Variants in SSH3 observed in about 807,000 individuals in gnomAD.
SSH3 encodes protein phosphatase Slingshot homolog 3.
In SSH3, 67 loss-of-function variants were observed where a neutral mutation model predicts 75.0. That is an observed-to-expected ratio of 0.89 (90% CI 0.73 to 1.10). The LOEUF (loss-of-function observed/expected upper bound fraction) is 1.10. Among genes scored for constraint, SSH3 ranks in the 50% least tolerant of loss-of-function variants. SSH3 has a pLI of 0.00. For missense variants in SSH3, 824 were observed against 872.7 expected (o/e 0.94, Z 0.70); for synonymous variants, 318 against 349.2 (o/e 0.91, Z 1.00).
chr11:67,308,251 G>A lies in SSH3; in HGVS notation c.963G>A (p.Leu321=), dbSNP rs1379873522. The A allele has an allele frequency of 1.9e-6, 3 of 1,614,136 alleles. No individual in the cohort carries two copies. Among genetic ancestry groups the A allele is most frequent in the African/African-American group, 1.3e-5 (1 of 75,074 alleles). The change falls in exon 9 of 14, where the codon CTG becomes CTA. Residue 321 remains leucine (L), a synonymous_variant. Coordinates refer to ENST00000308127, the MANE Select transcript of SSH3 (RefSeq NM_017857.4). This position sits in a 1 kb window ranked among gnomAD's most constrained non-coding sequence, Gnocchi z 4.9. The part of the protein sequence containing the change: ...YRDFIDNQML[L]LVAQRDRASR... ...ACTTCATCGACAACCAGATGCTGCT[G>A]CTGGTGGCACAGCGGGACCGAGCCT...
Position 67,308,210 on chromosome 11 carries a change from CT to C in SSH3, c.923del (p.Leu308ProfsTer52). 1 of 1,614,052 alleles carries C rather than the reference CT, an allele frequency of 6.2e-7. No homozygotes were observed. Among genetic ancestry groups the C allele is most frequent in the Non-Finnish European group, 8.5e-7 (1 of 1,180,028 alleles). On this transcript the variant is annotated frameshift_variant, in exon 9 of 14. Coordinates refer to ENST00000308127, the MANE Select transcript of SSH3 (RefSeq NM_017857.4). The surrounding 1 kb of genome is among the most constrained non-coding windows in gnomAD (Gnocchi z 4.9). ...QALELRLGLPLQQYRDFIDNQ... is the reference protein window; with the variant it reads ...QALELRLGLPXQQYRDFIDNQ... Reference sequence around the variant, plus strand: ...TCTGGAGCTGCGCCTGGGGCTCCCCCTCCAGCAGTACCGTGACTTCATCGAC... The same window carrying C: ...TCTGGAGCTGCGCCTGGGGCTCCCCCCCAGCAGTACCGTGACTTCATCGAC...
At chr11:67,303,903 A>G (rs1286833045) in intron 1 of SSH3, 8 of 765,692 alleles carry the variant, frequency 1.0e-5, no homozygotes, top group Middle Eastern at 3.3e-4. Flanking sequence ...GGAGGCCCCG[A>G]TCTGAGCGCG....
In SSH3 at chr11:67,308,064, C is replaced by A. The variant is rs1861298807; in HGVS notation, c.886-110C>A. The A allele has an allele frequency of 1.3e-6, 2 of 1,589,864 alleles. No homozygotes were observed. The highest frequency in any genetic ancestry group is 1.7e-6 in the Non-Finnish European group (2 of 1,168,468). ...ATTCCTGGATGCCTTGGCCTTGGCC[C>A]TAATCCATCTAGATGGGATAGGGTG... is the stretch of plus-strand genomic sequence containing the variant. On this transcript the variant is annotated intron_variant, in intron 8 of 13. Transcript: ENST00000308127. The surrounding 1 kb of genome is among the most constrained non-coding windows in gnomAD (Gnocchi z 4.9).
In SSH3 at chr11:67,307,196, A is replaced by G; in HGVS notation, c.536+83A>G. Reference sequence around the variant, plus strand: ...TGTGACGGGGCCTGGGCACCAGGGTACAGTAGAACTTTAGGCTGGGACTCT... The same window carrying G: ...TGTGACGGGGCCTGGGCACCAGGGTGCAGTAGAACTTTAGGCTGGGACTCT... On this transcript the variant is annotated intron_variant, in intron 5 of 13. Transcript: ENST00000308127. The surrounding 1 kb of genome is among the most constrained non-coding windows in gnomAD (Gnocchi z 4.2). 6.3e-7 allele frequency: 1 copy of G among 1,580,332 alleles called. No individual in the cohort carries two copies. Among genetic ancestry groups the G allele is most frequent in the East Asian group, 2.3e-5 (1 of 44,380 alleles).
intron 3 of SSH3, among the ~76,000 whole-genome samples, chr11:67,306,566 A>C (rs1015772515): frequency 1.3e-5 from 2 of 152,232 alleles, no homozygotes; most frequent in African/African-American, 4.8e-5. Flanking sequence ...GTGCCACTGT[A>C]CTCCAGCCTG....
intron 2 of SSH3, among the ~76,000 whole-genome samples, 197 bp from the exon 3 acceptor site, chr11:67,304,576 T>C (rs1204140702): frequency 4.6e-5 from 7 of 152,160 alleles, no homozygotes; most frequent in African/African-American, 1.4e-4. Context: ...CCAAGACTGG[T>C]TCTCAGCAAT....
chr11:67,312,165 G>A lies in SSH3; in HGVS notation c.*278G>A. ...TAGAGGGACTGAAGGTACCTTTGGG[G>A]GCAACAGCACCCTAGTTTCATTCTC... On this transcript the variant is annotated 3_prime_UTR_variant, in exon 14 of 14. Transcript: ENST00000308127. The A allele has an allele frequency of 1.9e-6, 1 of 519,980 alleles. No individual in the cohort carries two copies. The highest frequency in any genetic ancestry group is 3.4e-6 in the Non-Finnish European group (1 of 294,500). The allele number at this position is 519,980 out of a possible 1,614,324, so 32.2% of individuals were successfully genotyped here. A position where few individuals can be genotyped will look rare whatever the true frequency, so the allele number is the denominator to read the frequency against.
chr11:67,307,157 C>CT lies in SSH3; in HGVS notation c.536+45dup. 6.2e-7 allele frequency: 1 copy of CT among 1,606,452 alleles called. No individual in the cohort carries two copies. Among genetic ancestry groups the CT allele is most frequent in the African/African-American group, 1.3e-5 (1 of 74,954 alleles). On this transcript the variant is annotated intron_variant, in intron 5 of 13. Transcript: ENST00000308127. This position sits in a 1 kb window ranked among gnomAD's most constrained non-coding sequence, Gnocchi z 4.2. ...AGGTGGGGGCTGGAGGGTGGAATAA[C>CT]TGAGTGTGACGGATGTGACGGGGCC...
Position 67,308,575 on chromosome 11 carries a change from G to A in SSH3, c.1061+117G>A. On this transcript the variant is annotated intron_variant, in intron 10 of 13. Transcript: ENST00000308127. The surrounding 1 kb of genome is among the most constrained non-coding windows in gnomAD (Gnocchi z 4.9). Reference sequence around the variant, plus strand: ...ACCACCCTCAGCAGCTGCTAGCTCTGCTTCTAACTCTGTCCTGGGGCTGTT... The same window carrying A: ...ACCACCCTCAGCAGCTGCTAGCTCTACTTCTAACTCTGTCCTGGGGCTGTT... 7.1e-7 allele frequency: 1 copy of A among 1,401,260 alleles called. No homozygotes were observed. 86.8% of individuals were successfully genotyped at this position (1,401,260 alleles called of 1,614,324 possible).
intron 2 of SSH3, 81 bp downstream of exon 2, chr11:67,304,236 C>G: frequency 8.9e-7 from 1 of 1,125,980 alleles, no homozygotes; most frequent in East Asian, 2.6e-5. Context: ...GCTGCAGGGA[C>G]AGAAAGCTCC....
Position 67,304,143 on chromosome 11 carries a change from G to C in SSH3, c.92G>C (p.Arg31Pro), listed in dbSNP as rs138958962. ...PWDQAVQRRSRLQRRQSFAVL... is the reference protein window; with the variant it reads ...PWDQAVQRRSPLQRRQSFAVL... ...GACCAGGCGGTCCAGCGAAGGAGTC[G>C]ACTCCAGCGAAGGTGAGCGCCACCT... The change falls in exon 2 of 14, where the codon CGA (arginine) becomes CCA (proline). Residue 31 changes from arginine to proline, a missense_variant. By Grantham distance (103) the Arg-to-Pro change is moderately radical. Transcript: ENST00000308127. 63 of 1,599,448 alleles carry C rather than the reference G, an allele frequency of 3.9e-5. No individual in the cohort carries two copies. The highest frequency in any genetic ancestry group is 5.1e-5 in the Non-Finnish European group (60 of 1,176,790).
At position 67,307,627 on chromosome 11, in the gene SSH3, C is replaced by G; in HGVS notation, c.681C>G (p.Thr227=). The G allele has an allele frequency of 6.2e-7, 1 of 1,613,800 alleles. No homozygotes were observed. Among genetic ancestry groups the G allele is most frequent in the South Asian group, 1.1e-5 (1 of 91,086 alleles). ...SGLVPGGSAL[T]WASHYQERLN... is the part of the protein sequence containing the mutation. ...TTGTACCGGGTGGCAGTGCCCTCAC[C>G]TGGGCCAGCCACTACCAGGAGAGAC... The change falls in exon 7 of 14, where the codon ACC becomes ACG. Residue 227 remains threonine, a synonymous_variant. Coordinates refer to ENST00000308127, the MANE Select transcript of SSH3 (RefSeq NM_017857.4). This position sits in a 1 kb window ranked among gnomAD's most constrained non-coding sequence, Gnocchi z 4.2.
rs143186320 is a variant in SSH3 at position 67,311,831 on chromosome 11, C to G, written c.1924C>G (p.Arg642Gly). 3 of 1,612,938 alleles carry G rather than the reference C, an allele frequency of 1.9e-6. No homozygotes were observed. The highest frequency in any genetic ancestry group is 1.3e-5 in the African/African-American group (1 of 74,902). Reference sequence around the variant, plus strand: ...CTGCATTTCCTCTACGCCCAGGTTCCGGAAGGTGGTGAGACAGGCCAGCGT... The same window carrying G: ...CTGCATTTCCTCTACGCCCAGGTTCGGGAAGGTGGTGAGACAGGCCAGCGT... The part of the protein sequence containing the change: ...EPCISSTPRF[R>G]KVVRQASVHD... Residue 642 changes from arginine to glycine, a missense_variant, in exon 14 of 14, where the codon CGG becomes GGG. Coordinates refer to ENST00000308127, the MANE Select transcript of SSH3 (RefSeq NM_017857.4).
At chr11:67,310,023 C>A (rs750904781) in intron 12 of SSH3, 43 bp from the exon 13 acceptor site, 1 of 1,609,730 alleles carries the variant, frequency 6.2e-7, no homozygotes, top group Admixed American at 1.7e-5. Context: ...CTGGGGGTGG[C>A]TGCTGGGTCA....
At position 67,307,034 on chromosome 11, in the gene SSH3, C is replaced by T. The variant is rs757423194; in HGVS notation, c.465-8C>T. Reference sequence around the variant, plus strand: ...GGGGACAATGGCTTTCCCTCTGTCCCCTGCCAGCTCCCCCAGCTGCACCCT... The same window carrying T: ...GGGGACAATGGCTTTCCCTCTGTCCTCTGCCAGCTCCCCCAGCTGCACCCT... On this transcript the variant is annotated splice_polypyrimidine_tract_variant and splice_region_variant and intron_variant, in intron 4 of 13. Transcript: ENST00000308127. This position sits in a 1 kb window ranked among gnomAD's most constrained non-coding sequence, Gnocchi z 4.2. The T allele has an allele frequency of 3.7e-6, 6 of 1,613,904 alleles. No individual in the cohort carries two copies. In the Admixed American group the frequency reaches 8.3e-5, roughly 22 times the overall value.
At chr11:67,311,455 G>A in intron 13 of SSH3, 136 bp from the exon 14 acceptor site, 9 of 1,154,302 alleles carry the variant, frequency 7.8e-6, no homozygotes, top group Non-Finnish European at 1.0e-5. Flanking sequence ...TGGCGTGCGT[G>A]CCACAAACAT....
Position 67,307,500 on chromosome 11 carries a change from G to A in SSH3, c.603-49G>A, listed in dbSNP as rs1861279114. 8.1e-6 allele frequency: 13 copies of A among 1,612,854 alleles called. No homozygotes were observed. The highest frequency in any genetic ancestry group is 1.1e-5 in the Non-Finnish European group (13 of 1,179,470). ...CTTCGAAGGAGGCTGCAGGGCCTGG[G>A]GAAGGGCAGCAAGGGAACAGTGTGA... On this transcript the variant is annotated intron_variant, in intron 6 of 13. Coordinates refer to ENST00000308127, the MANE Select transcript of SSH3 (RefSeq NM_017857.4). The surrounding 1 kb of genome is among the most constrained non-coding windows in gnomAD (Gnocchi z 4.2).
rs746156579 is a variant in SSH3, at chr11:67,304,042, A to C, written c.67-76A>C. On this transcript the variant is annotated intron_variant, in intron 1 of 13. Transcript: ENST00000308127. ...CTGGCGCCTTTTCTGGCCTCCCCCA[A>C]CTCTAGAATTCCTGAGAGAGGGGAG... 28 of 1,508,546 alleles carry C rather than the reference A, an allele frequency of 1.9e-5. No homozygotes were observed. The South Asian group carries it at 2.9e-4, about 16-fold the overall frequency. The allele number at this position is 1,508,546 out of a possible 1,614,324, so 93.4% of individuals were successfully genotyped here.
rs1164091926 is a variant in SSH3, at chr11:67,307,791, G to A, written c.791+54G>A. ...GGAGGGGAAGGCAGGATAATGCAGTGGGGGGCATGGTGGAGAGGGGAAAGG... is the reference window on the plus strand; with the variant it reads ...GGAGGGGAAGGCAGGATAATGCAGTAGGGGGCATGGTGGAGAGGGGAAAGG... On this transcript the variant is annotated intron_variant, in intron 7 of 13. Coordinates refer to ENST00000308127, the MANE Select transcript of SSH3 (RefSeq NM_017857.4). The surrounding 1 kb of genome is among the most constrained non-coding windows in gnomAD (Gnocchi z 4.2). 14 of 1,613,774 alleles carry A rather than the reference G, an allele frequency of 8.7e-6. No homozygotes were observed. Among genetic ancestry groups the A allele is most frequent in the East Asian group, 2.2e-5 (1 of 44,894 alleles).
Sources: gnomAD v4.1 joint callset for allele counts (sites outside exome capture counted in the v4.1 genomes callset) on GRCh38, gnomAD v4.1.1 for gene constraint, Gnocchi (gnomAD v3.1) non-coding constraint, MANE v1.5 for transcripts, NCBI Gene and HGNC (gene_info 2026-07-23, HGNC 2026-07-21) for gene names.